Variants in PTS observed in about 807,000 individuals in gnomAD.
PTS encodes 6-pyruvoyltetrahydropterin synthase.
Under a neutral mutation model 20.6 loss-of-function variants are expected in PTS, and 23 were observed. The observed-to-expected ratio is 1.12, with a 90% CI of 0.80 to 1.58. The LOEUF (loss-of-function observed/expected upper bound fraction) is 1.58, where lower values mean the gene tolerates loss of function less well. PTS is among the 40% of genes most tolerant of loss of function. The probability of loss-of-function intolerance (pLI) is 0.00; values close to 1 mark genes in which losing one functional copy is unlikely to be tolerated. For synonymous variants in PTS, 65 were observed against 62.5 expected (o/e 1.04, Z -0.19); for missense variants, 186 against 182.4 (o/e 1.02, Z -0.11).
rs138154701 is a variant in PTS at position 112,226,460 on chromosome 11, G to T, written c.17G>T (p.Gly6Val). 4.8e-5 allele frequency: 76 copies of T among 1,581,072 alleles called. No homozygotes were observed. The African/African-American group carries it at 1.0e-3, about 21-fold the overall frequency. The change falls in exon 1 of 6, where the codon GGT becomes GTT. Residue 6 changes from glycine to valine, a missense_variant. Physicochemically the swap from Gly to Val is moderately radical, Grantham distance 109. Coordinates refer to ENST00000280362, the MANE Select transcript of PTS (RefSeq NM_000317.3). The stretch of plus-strand genomic sequence containing the variant: ...GCCGGGAAGATGAGCACGGAAGGTG[G>T]TGGCCGTCGCTGCCAGGCACAAGTG... MSTEG[G>V]GRRCQAQVSR...
chr11:112,232,238 C>T (rs1159557899), intron 4 of PTS, among the ~76,000 whole-genome samples: 2 of 152,056 alleles, frequency 1.3e-5, no homozygotes, highest in Non-Finnish European at 2.9e-5. Context: ...GAGACCCTGT[C>T]TCTAAAAACA....
chr11:112,226,547 C>A, intron 1 of PTS, 21 bp downstream of exon 1: 1 of 1,525,754 alleles, frequency 6.6e-7, no homozygotes, highest in Non-Finnish European at 8.8e-7. Flanking sequence ...CACACAGGTA[C>A]AGCGGCGGGC....
At chr11:112,228,306 T>C in intron 1 of PTS, 1 of 441,522 alleles carries the variant, frequency 2.3e-6, no homozygotes, top group Non-Finnish European at 4.1e-6. Context: ...AATTGAAAAG[T>C]GGAAGGCCCA....
At position 112,233,457 on chromosome 11, in the gene PTS, A is replaced by G. The variant is rs1555198495; in HGVS notation, c.340A>G (p.Ile114Val). ...VSTTENVAVYIWDNLQKVLPV... is the reference protein window; with the variant it reads ...VSTTENVAVYVWDNLQKVLPV... The stretch of plus-strand genomic sequence containing the variant: ...CACGACTGAAAATGTAGCTGTTTAT[A>G]TCTGGGACAACCTCCAGAAAGTTCT... The change falls in exon 6 of 6, where the codon ATC becomes GTC. Residue 114 changes from isoleucine (I) to valine (V), a missense_variant. Physicochemically the swap from Ile to Val is conservative, Grantham distance 29. Transcript: ENST00000280362. 1.2e-6 allele frequency: 2 copies of G among 1,613,064 alleles called. No individual in the cohort carries two copies. The highest frequency in any genetic ancestry group is 4.5e-5 in the East Asian group (2 of 44,816).
At chr11:112,228,344 G>A in intron 1 of PTS, 1 of 534,754 alleles carries the variant, frequency 1.9e-6, no homozygotes, top group Non-Finnish European at 3.3e-6. Flanking sequence ...GTGGAACAAG[G>A]GGGTTGAAGT....
intron 4 of PTS, among the ~76,000 whole-genome samples, chr11:112,232,397 T>A (rs1859950636): frequency 6.6e-6 from 1 of 152,226 alleles, no homozygotes; most frequent in Non-Finnish European, 1.5e-5. Context: ...AACTGTTTGA[T>A]CTAGGACTTA....
intron 1 of PTS, among the ~76,000 whole-genome samples, chr11:112,227,268 A>G (rs551236118): frequency 4.0e-4 from 61 of 152,232 alleles, no homozygotes; most frequent in African/African-American, 1.4e-3. Flanking sequence ...TCATCCCTCC[A>G]TTCGCTAAAC....
In PTS at chr11:112,233,431, G is replaced by C. The variant is rs776543880; in HGVS notation, c.315-1G>C. 3 of 1,607,782 alleles carry C rather than the reference G, an allele frequency of 1.9e-6. No homozygotes were observed. The highest frequency in any genetic ancestry group is 2.5e-6 in the Non-Finnish European group (3 of 1,177,936). On this transcript the variant is annotated splice_acceptor_variant, in intron 5 of 5. Coordinates refer to ENST00000280362, the MANE Select transcript of PTS (RefSeq NM_000317.3). LOFTEE classifies it high-confidence loss of function. ...TTTGTTTTTGTTTTTTTTTCTTATAGCACGACTGAAAATGTAGCTGTTTAT... is the reference window on the plus strand; with the variant it reads ...TTTGTTTTTGTTTTTTTTTCTTATACCACGACTGAAAATGTAGCTGTTTAT...
chr11:112,228,102 T>G (rs1017323712), intron 1 of PTS, among the ~76,000 whole-genome samples: 3 of 152,238 alleles, frequency 2.0e-5, no homozygotes, highest in Admixed American at 2.0e-4. Flanking sequence ...AGACATAGTA[T>G]AAAGCAAGAT....
At chr11:112,230,809 T>G (rs1859920404) in intron 4 of PTS, 127 bp downstream of exon 4, 5 of 876,068 alleles carry the variant, frequency 5.7e-6, no homozygotes. Flanking sequence ...TGGATGTGGG[T>G]GTTGGGGAAT....
intron 2 of PTS, chr11:112,228,945 T>A (rs2135408399): frequency 2.2e-6 from 1 of 454,562 alleles, no homozygotes; most frequent in East Asian, 4.1e-5. Context: ...AACAAGTTTC[T>A]TTCTGATTAG....
intron 5 of PTS, 23 bp from the exon 6 acceptor site, chr11:112,233,405 TTTTG>T (rs765155229): frequency 1.9e-6 from 3 of 1,585,672 alleles, no homozygotes; most frequent in Non-Finnish European, 2.6e-6. Flanking sequence ...TTTGAATTTT[TTTTG>T]TTTTTGTTTT....
chr11:112,231,968 AAAAG>A (rs1566817022), intron 4 of PTS, among the ~76,000 whole-genome samples: 1 of 151,840 alleles, frequency 6.6e-6, no homozygotes, highest in Non-Finnish European at 1.5e-5. Context: ...AAGAGAAAAG[AAAAG>A]AAAAGAAAGA....
intron 1 of PTS, 75 bp downstream of exon 1, chr11:112,226,601 G>A: frequency 7.3e-7 from 1 of 1,371,806 alleles, no homozygotes; most frequent in Non-Finnish European, 9.7e-7. Context: ...GGGGCCGGCG[G>A]GCGTGCTGAC....
At chr11:112,233,031 C>G (rs1187334438) in intron 4 of PTS, 132 bp from the exon 5 acceptor site, 4 of 932,850 alleles carry the variant, frequency 4.3e-6, no homozygotes, top group Non-Finnish European at 7.1e-6. Flanking sequence ...CCTTGTAAGA[C>G]TCAAATCTAG....
chr11:112,233,487 G>T lies in PTS; in HGVS notation c.370G>T (p.Val124Leu), dbSNP rs150726932. 74 of 1,613,354 alleles carry T rather than the reference G, an allele frequency of 4.6e-5. No individual in the cohort carries two copies. In the Middle Eastern group the frequency reaches 5.0e-4, roughly 11 times the overall value. The change falls in exon 6 of 6, where the codon GTA becomes TTA. Residue 124 changes from valine to leucine, a missense_variant. Coordinates refer to ENST00000280362, the MANE Select transcript of PTS (RefSeq NM_000317.3). Reference protein sequence around the residue: ...IWDNLQKVLPVGVLYKVKVYE... With the variant: ...IWDNLQKVLPLGVLYKVKVYE... Reference sequence around the variant, plus strand: ...GGACAACCTCCAGAAAGTTCTTCCTGTAGGAGTTCTTTATAAAGTAAAAGT... The same window carrying T: ...GGACAACCTCCAGAAAGTTCTTCCTTTAGGAGTTCTTTATAAAGTAAAAGT...
In PTS at chr11:112,233,618, C is replaced by T; in HGVS notation, c.*63C>T. ...CTGTGTTTGAAAAAGATTTTGATCC[C>T]CTTGGAATATTAAGAGGTCAACACG... On this transcript the variant is annotated 3_prime_UTR_variant, in exon 6 of 6. Coordinates refer to ENST00000280362, the MANE Select transcript of PTS (RefSeq NM_000317.3). The T allele has an allele frequency of 6.2e-7, 1 of 1,606,894 alleles. No individual in the cohort carries two copies. The highest frequency in any genetic ancestry group is 8.5e-7 in the Non-Finnish European group (1 of 1,177,096).
chr11:112,230,361 G>A, intron 3 of PTS, 131 bp downstream of exon 3: 2 of 1,165,878 alleles, frequency 1.7e-6, no homozygotes, highest in Non-Finnish European at 2.6e-6. Context: ...ATGTGTGTGT[G>A]GTGAGCTGCC....
At chr11:112,232,147 G>A (rs555403213) in intron 4 of PTS, among the ~76,000 whole-genome samples, 1 of 152,060 alleles carries the variant, frequency 6.6e-6, no homozygotes, top group East Asian at 1.9e-4. Context: ...GCTCTACCGT[G>A]GGGGGAGGAT....
Sources: allele counts gnomAD v4.1 joint callset (sites outside exome capture counted in the v4.1 genomes callset), GRCh38; gene constraint gnomAD v4.1.1; transcripts MANE v1.5; gene names NCBI Gene and HGNC (gene_info 2026-07-23, HGNC 2026-07-21).